Variants in ARFGEF3 observed in about 807,000 individuals in gnomAD.
The protein encoded by ARFGEF3 is ARFGEF family member 3.
Under a neutral mutation model 221.7 loss-of-function variants are expected in ARFGEF3, and 96 were observed. The ratio of observed to expected loss-of-function variants is 0.43; its 90% CI spans 0.37 to 0.51. The LOEUF (loss-of-function observed/expected upper bound fraction) is 0.51. Among genes scored for constraint, ARFGEF3 ranks in the 20% least tolerant of loss-of-function variants. ARFGEF3 has a pLI of 0.00. For missense variants in ARFGEF3, 2,410 were observed against 2,789.9 expected (o/e 0.86, Z 3.07); for synonymous variants, 1,145 against 1,126.8 (o/e 1.02, Z -0.32).
intron 5 of ARFGEF3, 58 bp from the exon 6 acceptor site, chr6:138,238,451 T>C: frequency 3.2e-6 from 5 of 1,564,480 alleles, no homozygotes; most frequent in Non-Finnish European, 4.4e-6. Context: ...TCCCAAAGAA[T>C]GTTGGTAATA....
intron 7 of ARFGEF3, among the ~76,000 whole-genome samples, chr6:138,244,837 C>G (rs1778456034): frequency 6.6e-6 from 1 of 152,104 alleles, no homozygotes; most frequent in Non-Finnish European, 1.5e-5. Flanking sequence ...ATTCAAGGGT[C>G]AGAATAAGGA....
At chr6:138,183,352 T>C (rs886200962) in intron 2 of ARFGEF3, among the ~76,000 whole-genome samples, 1 of 152,178 alleles carries the variant, frequency 6.6e-6, no homozygotes, top group Non-Finnish European at 1.5e-5. Flanking sequence ...TAATTTAAAG[T>C]CAACAGGAGG....
At chr6:138,304,686 A>G (rs192446749) in intron 22 of ARFGEF3, among the ~76,000 whole-genome samples, 272 of 152,328 alleles carry the variant, frequency 1.8e-3, no homozygotes, top group African/African-American at 6.0e-3. Context: ...ATGTAGGTTT[A>G]GACTTTTAAA....
Position 138,334,846 on chromosome 6 carries a change from C to A in ARFGEF3, c.6000C>A (p.Ser2000Arg). The A allele has an allele frequency of 6.3e-7, 1 of 1,596,974 alleles. No individual in the cohort carries two copies. Among genetic ancestry groups the A allele is most frequent in the Non-Finnish European group, 8.5e-7 (1 of 1,172,226 alleles). ...PSPKVEKKDPSRKKEWWENAG... is the reference protein window; with the variant it reads ...PSPKVEKKDPRRKKEWWENAG... ...CCAAAGTGGAGAAGAAGGATCCCAGCCGGAAGAAGGAGTGGTGGGAGAATG... is the reference window on the plus strand; with the variant it reads ...CCAAAGTGGAGAAGAAGGATCCCAGACGGAAGAAGGAGTGGTGGGAGAATG... Residue 2000 changes from serine to arginine, a missense_variant, in exon 33 of 34, where the codon AGC (serine) becomes AGA (arginine). Physicochemically the swap from Ser to Arg is moderately radical, Grantham distance 110. This residue lies in a region of ARFGEF3 where 339 missense variants were observed against 334.9 expected (regional missense o/e 1.01). Coordinates refer to ENST00000251691, the MANE Select transcript of ARFGEF3 (RefSeq NM_020340.5). The surrounding 1 kb of genome is among the most constrained non-coding windows in gnomAD (Gnocchi z 5.1).
intron 4 of ARFGEF3, among the ~76,000 whole-genome samples, chr6:138,228,392 GC>G (rs1212638296): frequency 7.0e-6 from 1 of 142,082 alleles, no homozygotes; most frequent in Non-Finnish European, 1.5e-5. Flanking sequence ...TTGCCATGTT[GC>G]CCAGGCTGGT....
intron 10 of ARFGEF3, 39 bp downstream of exon 10, chr6:138,255,808 G>C (rs374446184): frequency 2.1e-6 from 3 of 1,443,652 alleles, no homozygotes. Flanking sequence ...GTTTACAAGG[G>C]GGCCTGACCA....
At chr6:138,311,365 A>G (rs1199155406) in intron 24 of ARFGEF3, 42 bp from the exon 25 acceptor site, 1 of 1,325,248 alleles carries the variant, frequency 7.5e-7, no homozygotes, top group Admixed American at 2.0e-5. Flanking sequence ...GGGGGCACGC[A>G]AGGGTAACAC....
intron 2 of ARFGEF3, among the ~76,000 whole-genome samples, chr6:138,190,190 G>C (rs552385479): frequency 3.5e-4 from 51 of 146,528 alleles, no homozygotes; most frequent in Non-Finnish European, 2.0e-4. Flanking sequence ...TTTGTTGCTA[G>C]TTGATTGTGA....
intron 22 of ARFGEF3, 60 bp downstream of exon 22, chr6:138,298,845 C>T (rs1475676652): frequency 2.1e-5 from 27 of 1,306,694 alleles, no homozygotes; most frequent in Non-Finnish European, 2.4e-5. Context: ...GTGGCAGGCA[C>T]GGTTCTATGA....
In ARFGEF3 at chr6:138,323,674, C is replaced by A; in HGVS notation, c.4770C>A (p.Tyr1590Ter). The change falls in exon 30 of 34, where the codon TAC (tyrosine) becomes TAA (stop). Residue 1590 changes from tyrosine (Y) to a stop codon, truncating the protein, a stop_gained. Coordinates refer to ENST00000251691, the MANE Select transcript of ARFGEF3 (RefSeq NM_020340.5). LOFTEE classifies it high-confidence loss of function. ...ISRVGCSCIRYVLVTAGPVFT... is the reference protein window; with the variant it reads ...ISRVGCSCIR ...CTTTACTTGTTTCTTTTGGCAGATA[C>A]GTCCTTGTGACAGCGGGCCCTGTGT... 1.2e-6 allele frequency: 2 copies of A among 1,613,272 alleles called. No homozygotes were observed. The highest frequency in any genetic ancestry group is 1.7e-6 in the Non-Finnish European group (2 of 1,179,422).
rs372790539 is a variant in ARFGEF3, at chr6:138,278,512, C to T, written c.2190C>T (p.Asn730=). The part of the protein sequence containing the change: ...NSSLSFQMLM[N]ADSLYTAAHC... ...GCCTCAGCTTCCAGATGCTGATGAA[C>T]GCAGACAGCCTCTACACAGCTGCAC... Residue 730 remains asparagine, a synonymous_variant, in exon 13 of 34, where the codon AAC becomes AAT. Coordinates refer to ENST00000251691, the MANE Select transcript of ARFGEF3 (RefSeq NM_020340.5). 5.1e-5 allele frequency: 83 copies of T among 1,613,878 alleles called. No individual in the cohort carries two copies. Among genetic ancestry groups the T allele is most frequent in the Non-Finnish European group, 6.6e-5 (78 of 1,179,808 alleles).
chr6:138,233,992 C>T (rs1422064036), intron 5 of ARFGEF3, among the ~76,000 whole-genome samples: 1 of 152,118 alleles, frequency 6.6e-6, no homozygotes, highest in Non-Finnish European at 1.5e-5. Flanking sequence ...TTCCTGTGTG[C>T]CAGTCTCTAT....
intron 2 of ARFGEF3, among the ~76,000 whole-genome samples, chr6:138,205,398 A>G (rs1465129272): frequency 1.3e-5 from 2 of 152,072 alleles, no homozygotes; most frequent in Non-Finnish European, 2.9e-5. Context: ...TCCTGGTGGA[A>G]ATTTGATTGT....
At chr6:138,319,572 C>T (rs1779986655) in intron 27 of ARFGEF3, 131 bp from the exon 28 acceptor site, 1 of 652,590 alleles carries the variant, frequency 1.5e-6, no homozygotes, top group Non-Finnish European at 2.6e-6. Flanking sequence ...CCCCCATCAG[C>T]AGTAAATTAT....
At chr6:138,252,807 T>C (rs1434292096) in intron 8 of ARFGEF3, among the ~76,000 whole-genome samples, 1 of 152,228 alleles carries the variant, frequency 6.6e-6, no homozygotes, top group African/African-American at 2.4e-5. Flanking sequence ...TTATTATATA[T>C]TTGCAATAAA....
chr6:138,167,329 T>C (rs923809387), intron 1 of ARFGEF3, among the ~76,000 whole-genome samples: 3 of 152,208 alleles, frequency 2.0e-5, no homozygotes, highest in Non-Finnish European at 4.4e-5. Context: ...TCTGAGAATG[T>C]GATGCCCGTG....
chr6:138,227,642 T>A (rs1267777112), intron 4 of ARFGEF3, among the ~76,000 whole-genome samples: 1 of 152,088 alleles, frequency 6.6e-6, no homozygotes, highest in Non-Finnish European at 1.5e-5. Flanking sequence ...CCCCCCGCCA[T>A]GAAACATGGC....
intron 17 of ARFGEF3, among the ~76,000 whole-genome samples, chr6:138,289,246 C>T (rs536406765): frequency 6.2e-4 from 95 of 152,290 alleles, no homozygotes; most frequent in Middle Eastern, 3.4e-3. Context: ...AGCCACCACA[C>T]CCAGGCTACA....
intron 12 of ARFGEF3, among the ~76,000 whole-genome samples, chr6:138,266,070 G>A (rs376887144): frequency 8.5e-5 from 13 of 152,138 alleles, no homozygotes; most frequent in African/African-American, 3.1e-4. Context: ...ACAAAAATTA[G>A]CCAAGCATGG....
Sources: gnomAD v4.1 joint callset for allele counts (sites outside exome capture counted in the v4.1 genomes callset) on GRCh38, gnomAD v4.1.1 for gene constraint, gnomAD v4.1.1 regional missense constraint, Gnocchi (gnomAD v3.1) non-coding constraint, MANE v1.5 for transcripts, NCBI Gene and HGNC (gene_info 2026-07-23, HGNC 2026-07-21) for gene names.